Variants in GNG5 observed in about 807,000 individuals in gnomAD.
GNG5 encodes the protein guanine nucleotide-binding protein G(I)/G(S)/G(O) subunit gamma-5.
In GNG5, 2 loss-of-function variants were observed where a neutral mutation model predicts 6.2. The observed-to-expected ratio is 0.32, with a 90% CI of 0.13 to 1.01. The LOEUF (loss-of-function observed/expected upper bound fraction) is 1.01, where lower values mean the gene tolerates loss of function less well. Ranked by LOEUF, GNG5 falls within the 50% of genes least tolerant of loss-of-function variation. The probability of loss-of-function intolerance (pLI) is 0.48; values close to 1 mark genes in which losing one functional copy is unlikely to be tolerated. For missense variants in GNG5, 57 were observed against 80.2 expected (o/e 0.71, Z 1.10); for synonymous variants, 24 against 33.0 (o/e 0.73, Z 0.93).
Position 84,501,912 on chromosome 1 carries a change from G to A in GNG5, c.140C>T (p.Pro47Leu). ...ACTTGAAGATACTCCAGTCAGCAGA[G>A]GGTCATGTTGAGCATTCTGCAGACA... The part of the protein sequence containing the change: ...QFCLQNAQHD[P>L]LLTGVSSSTN... Residue 47 changes from proline (P) to leucine (L), a missense_variant, in exon 3 of 4, where the codon CCT becomes CTT. Physicochemically the swap from Pro to Leu is moderately conservative, Grantham distance 98. Transcript: ENST00000370645. 6.2e-7 allele frequency: 1 copy of A among 1,602,748 alleles called. No individual in the cohort carries two copies. Among genetic ancestry groups the A allele is most frequent in the Non-Finnish European group, 8.5e-7 (1 of 1,169,678 alleles).
intron 2 of GNG5, among the ~76,000 whole-genome samples, 159 bp from the exon 3 acceptor site, chr1:84,502,129 GCTC>G (rs1329560932): frequency 5.5e-5 from 8 of 145,608 alleles, no homozygotes; most frequent in South Asian, 2.1e-4. Flanking sequence ...CAAATAGTGA[GCTC>G]TTTTTTTTTT....
intron 2 of GNG5, among the ~76,000 whole-genome samples, chr1:84,505,638 T>C (rs958466546): frequency 2.7e-4 from 41 of 152,286 alleles, no homozygotes; most frequent in African/African-American, 9.6e-4. Flanking sequence ...AACAGGAGGC[T>C]GGCAAAGTGG....
rs549543221 is a variant in GNG5, at chr1:84,501,974, T to C, written c.82-4A>G. Reference sequence around the variant, plus strand: ...AGTCTGCAGCTGCCTGGGAAACCTATACATAACAAAGAGGGGGGGAAGTGC... The same window carrying C: ...AGTCTGCAGCTGCCTGGGAAACCTACACATAACAAAGAGGGGGGGAAGTGC... On this transcript the variant is annotated splice_region_variant and splice_polypyrimidine_tract_variant and intron_variant, in intron 2 of 3. Coordinates refer to ENST00000370645, the MANE Select transcript of GNG5 (RefSeq NM_005274.3). 2 of 1,609,612 alleles carry C rather than the reference T, an allele frequency of 1.2e-6. No individual in the cohort carries two copies. The highest frequency in any genetic ancestry group is 1.1e-5 in the South Asian group (1 of 90,668).
chr1:84,500,529 C>A (rs1682036665), intron 3 of GNG5, among the ~76,000 whole-genome samples: 1 of 151,800 alleles, frequency 6.6e-6, no homozygotes, highest in Non-Finnish European at 1.5e-5. Flanking sequence ...GTTAAAAAAA[C>A]AATCATTAAT....
At chr1:84,499,032 G>A (rs1194450416) in intron 3 of GNG5, among the ~76,000 whole-genome samples, 4 of 152,004 alleles carry the variant, frequency 2.6e-5, no homozygotes, top group Non-Finnish European at 5.9e-5. Flanking sequence ...ATAAACGAAG[G>A]TTTCTACATA....
At chr1:84,501,765 G>T in intron 3 of GNG5, 61 bp downstream of exon 3, 1 of 1,012,332 alleles carries the variant, frequency 9.9e-7, no homozygotes, top group Non-Finnish European at 1.5e-6. Context: ...GTGCTGCAAA[G>T]AAAGAGAAGA....
chr1:84,506,340 G>A lies in GNG5; in HGVS notation c.-210-39C>T, dbSNP rs1336087286. The A allele has an allele frequency of 2.4e-5, 9 of 374,280 alleles. No homozygotes were observed. In the Admixed American group the frequency reaches 3.4e-4, roughly 14 times the overall value. 23.2% of individuals were successfully genotyped at this position (374,280 alleles called of 1,614,324 possible). A position where few individuals can be genotyped will look rare whatever the true frequency, so the allele number is the denominator to read the frequency against. On this transcript the variant is annotated intron_variant, in intron 1 of 3. Coordinates refer to ENST00000370645, the MANE Select transcript of GNG5 (RefSeq NM_005274.3). ...AGGAGAAGGGGCGGAGCAGTCGGTG[G>A]GCGCGGCGGCTGCTGGAGGCTAGCG...
At chr1:84,505,759 A>C (rs1238714978) in intron 2 of GNG5, among the ~76,000 whole-genome samples, 1 of 152,192 alleles carries the variant, frequency 6.6e-6, no homozygotes, top group Non-Finnish European at 1.5e-5. Context: ...GCCACGGTTC[A>C]ACCCAGGGGC....
chr1:84,506,173 G>T lies in GNG5; in HGVS notation c.-82C>A. 8.9e-7 allele frequency: 1 copy of T among 1,125,758 alleles called. No individual in the cohort carries two copies. The highest frequency in any genetic ancestry group is 1.2e-6 in the Non-Finnish European group (1 of 808,140). The allele number at this position is 1,125,758 out of a possible 1,614,324, so 69.7% of individuals were successfully genotyped here. On this transcript the variant is annotated 5_prime_UTR_variant, in exon 2 of 4. Transcript: ENST00000370645. ...GCGGGGCCAGACAACTCAGCGGCGCGCGGCGGGGGCGGGGCTCCGAACTTT... is the reference window on the plus strand; with the variant it reads ...GCGGGGCCAGACAACTCAGCGGCGCTCGGCGGGGGCGGGGCTCCGAACTTT...
rs757561961 is a variant in GNG5, at chr1:84,506,084, C to A, written c.8G>T (p.Gly3Val). 2 of 1,576,160 alleles carry A rather than the reference C, an allele frequency of 1.3e-6. No homozygotes were observed. Among genetic ancestry groups the A allele is most frequent in the Non-Finnish European group, 1.7e-6 (2 of 1,162,950 alleles). ...CTTCATAGCGGCGACGCTGGAGGAGCCAGACATGGTGCACGCGACGGCCGG... is the reference window on the plus strand; with the variant it reads ...CTTCATAGCGGCGACGCTGGAGGAGACAGACATGGTGCACGCGACGGCCGG... MS[G>V]SSSVAAMKKV... Residue 3 changes from glycine (G) to valine (V), a missense_variant, in exon 2 of 4, where the codon GGC becomes GTC. Transcript: ENST00000370645.
rs1015411631 is a variant in GNG5, at chr1:84,498,469, T to C, written c.*99A>G. 2 of 152,808 alleles carry C rather than the reference T, an allele frequency of 1.3e-5. No individual in the cohort carries two copies. The highest frequency in any genetic ancestry group is 1.3e-4 in the Admixed American group (2 of 15,276). The allele number at this position is 152,808 out of a possible 1,614,324, so 9.5% of individuals were successfully genotyped here. A position where few individuals can be genotyped will look rare whatever the true frequency, so the allele number is the denominator to read the frequency against. On this transcript the variant is annotated 3_prime_UTR_variant, in exon 4 of 4. Coordinates refer to ENST00000370645, the MANE Select transcript of GNG5 (RefSeq NM_005274.3). ...AGTTTGTATATTATGGCACATGTGT[T>C]ACAGGGATAAGCTTTTGTACAGGCT...
At chr1:84,502,867 A>G (rs1682085655) in intron 2 of GNG5, among the ~76,000 whole-genome samples, 1 of 152,274 alleles carries the variant, frequency 6.6e-6, no homozygotes, top group Non-Finnish European at 1.5e-5. Context: ...GCATGCATTC[A>G]TTCACTTAGA....
Position 84,498,525 on chromosome 1 carries a change from A to T in GNG5, c.*43T>A. 6.7e-6 allele frequency: 1 copy of T among 149,404 alleles called. No individual in the cohort carries two copies. 9.3% of individuals were successfully genotyped at this position (149,404 alleles called of 1,614,324 possible). A position where few individuals can be genotyped will look rare whatever the true frequency, so the allele number is the denominator to read the frequency against. On this transcript the variant is annotated 3_prime_UTR_variant, in exon 4 of 4. Transcript: ENST00000370645. ...TGTAGCTCTCTTGAATATTCACTGG[A>T]TCATAAGGAGTGGTTTGGGAAACCT...
chr1:84,505,976 C>A, intron 2 of GNG5, 35 bp downstream of exon 2: 2 of 1,411,306 alleles, frequency 1.4e-6, no homozygotes, highest in Non-Finnish European at 1.9e-6. Flanking sequence ...GCCGCCGCCG[C>A]CTTCCTCCCG....
intron 3 of GNG5, 116 bp downstream of exon 3, chr1:84,501,710 C>G: frequency 3.1e-6 from 2 of 637,486 alleles, no homozygotes. Context: ...CAGAAAAATA[C>G]TGGAAATGGA....
chr1:84,501,538 C>G (rs115781592), intron 3 of GNG5, among the ~76,000 whole-genome samples: 3,553 of 152,278 alleles, frequency 0.023, 61 homozygotes, highest in South Asian at 0.048. Context: ...TAAAAAGTAA[C>G]ACATGGCTTG....
chr1:84,501,725 CAAAGG>C (rs1682060777), intron 3 of GNG5, 96 bp downstream of exon 3: 1 of 696,808 alleles, frequency 1.4e-6, no homozygotes, highest in Non-Finnish European at 2.5e-6. Flanking sequence ...AATGGAGGGC[CAAAGG>C]AAAGGGCATG....
chr1:84,504,805 A>G (rs1252573353), intron 2 of GNG5, among the ~76,000 whole-genome samples: 1 of 152,170 alleles, frequency 6.6e-6, no homozygotes, highest in Non-Finnish European at 1.5e-5. Context: ...TGAGTTGACC[A>G]CAACTGAGTA....
Position 84,506,027 on chromosome 1 carries a change from C to A in GNG5, c.65G>T (p.Gly22Val), listed in dbSNP as rs765948343. The change falls in exon 2 of 4, where the codon GGA (glycine) becomes GTA (valine). Residue 22 changes from glycine to valine, a missense_variant. Transcript: ENST00000370645. Reference sequence around the variant, plus strand: ...CCCGCTCACTTTTACGCGGTTGAGTCCGGCCTCCAGCCGGAGCTGTTGAAC... The same window carrying A: ...CCCGCTCACTTTTACGCGGTTGAGTACGGCCTCCAGCCGGAGCTGTTGAAC... ...KVVQQLRLEA[G>V]LNRVKVSQAA... 1.3e-6 allele frequency: 2 copies of A among 1,568,178 alleles called. No individual in the cohort carries two copies. Among genetic ancestry groups the A allele is most frequent in the South Asian group, 1.2e-5 (1 of 86,476 alleles).
Sources: allele counts gnomAD v4.1 joint callset (sites outside exome capture counted in the v4.1 genomes callset), GRCh38; gene constraint gnomAD v4.1.1; transcripts MANE v1.5; gene names NCBI Gene and HGNC (gene_info 2026-07-23, HGNC 2026-07-21).